The following MAPK10 variants were observed in gnomAD, a reference collection of about 807,000 sequenced individuals.
The protein encoded by MAPK10 is JNK3 alpha protein kinase.
A neutral mutation model predicts 59.3 loss-of-function variants in MAPK10; 25 were observed. The observed-to-expected ratio is 0.42, with a 90% CI of 0.31 to 0.59. The LOEUF is 0.59. MAPK10 is among the 20% of genes least tolerant of loss of function. The pLI, the probability that MAPK10 is intolerant of heterozygous loss-of-function variation, is 0.15. For missense variants in MAPK10, 351 were observed against 568.9 expected, an observed-to-expected ratio of 0.62 and a Z score of 3.90; for synonymous variants, 190 against 200.5, an observed-to-expected ratio of 0.95 and a Z score of 0.44.
At chr4:86,296,436 G>C (rs1248188625) in intron 2 of MAPK10, among the ~76,000 whole-genome samples, 1 of 152,084 alleles carries the variant, frequency 6.6e-6, no homozygotes. Context: ...ACCCCTGACA[G>C]ACAAATGGAA....
chr4:86,226,553 C>A (rs1041720332), intron 2 of MAPK10, among the ~76,000 whole-genome samples: 2 of 152,102 alleles, frequency 1.3e-5, no homozygotes, highest in Admixed American at 1.3e-4. Context: ...CAGCATTAAA[C>A]CTTGAATATA....
intron 1 of MAPK10, among the ~76,000 whole-genome samples, chr4:86,544,932 T>C (rs1759027864): frequency 6.6e-6 from 1 of 152,016 alleles, no homozygotes; most frequent in Admixed American, 6.5e-5. Context: ...CAGACTTGCT[T>C]CCAAAGGAGA....
intron 9 of MAPK10, among the ~76,000 whole-genome samples, chr4:86,093,537 T>C (rs997931605): frequency 2.6e-5 from 4 of 151,950 alleles, no homozygotes; most frequent in Non-Finnish European, 2.9e-5. Flanking sequence ...AAAAGGACCT[T>C]GTACTAAACT....
intron 2 of MAPK10, among the ~76,000 whole-genome samples, chr4:86,209,024 G>T (rs974088940): frequency 3.3e-5 from 5 of 151,906 alleles, no homozygotes; most frequent in African/African-American, 1.2e-4. Flanking sequence ...GACAATAGTT[G>T]GTAAGGTTGA....
intron 11 of MAPK10, among the ~76,000 whole-genome samples, chr4:86,047,330 G>A (rs1361626374): frequency 1.3e-5 from 2 of 152,098 alleles, no homozygotes; most frequent in South Asian, 4.1e-4. Context: ...GTAAAGGAGG[G>A]AGCAATGTGA....
At chr4:86,133,292 G>C (rs1044129787) in intron 4 of MAPK10, among the ~76,000 whole-genome samples, 15 of 152,110 alleles carry the variant, frequency 9.9e-5, no homozygotes, top group African/African-American at 3.4e-4. Context: ...TTATATCAGA[G>C]AGCTGAAAAA....
chr4:86,082,833 T>G (rs1221683425), intron 9 of MAPK10, among the ~76,000 whole-genome samples: 1 of 152,166 alleles, frequency 6.6e-6, no homozygotes, highest in Non-Finnish European at 1.5e-5. Context: ...AAATCTGTAC[T>G]AAATAAATGC....
chr4:86,262,150 GAGAGGTGGGACTTTTA>G (rs1031971359), intron 2 of MAPK10, among the ~76,000 whole-genome samples: 11 of 152,304 alleles, frequency 7.2e-5, no homozygotes, highest in Non-Finnish European at 1.3e-4. Flanking sequence ...TGGGACTTTT[GAGAGGTGGGACTTTTA>G]AGAGGTGATT....
chr4:86,592,944 C>A (rs763090425), intron 1 of MAPK10, among the ~76,000 whole-genome samples: 28 of 152,184 alleles, frequency 1.8e-4, no homozygotes, highest in Middle Eastern at 3.2e-3. Flanking sequence ...AGTTTTCTTT[C>A]TTAGGCTCCA....
chr4:86,480,648 A>T (rs1753534458), intron 1 of MAPK10, among the ~76,000 whole-genome samples: 1 of 152,200 alleles, frequency 6.6e-6, no homozygotes, highest in Middle Eastern at 3.2e-3. Flanking sequence ...TTAACATTCA[A>T]TTTCCATAAC....
chr4:86,218,607 A>G (rs2088551738), intron 2 of MAPK10, among the ~76,000 whole-genome samples: 1 of 150,504 alleles, frequency 6.6e-6, no homozygotes, highest in Non-Finnish European at 1.5e-5. Flanking sequence ...CAATTAATTT[A>G]AAAGGCAAAA....
chr4:86,591,674 C>T (rs958926592), intron 1 of MAPK10, among the ~76,000 whole-genome samples: 1 of 152,100 alleles, frequency 6.6e-6, no homozygotes, highest in African/African-American at 2.4e-5. Flanking sequence ...GTGCCCCACC[C>T]CCCGTATGTT....
At chr4:86,397,281 G>A (rs1271149793) in intron 1 of MAPK10, among the ~76,000 whole-genome samples, 2 of 152,014 alleles carry the variant, frequency 1.3e-5, no homozygotes, top group African/African-American at 4.8e-5. Flanking sequence ...CAATCTATGA[G>A]GTGAATTTAG....
In MAPK10 at chr4:86,440,313, A is replaced by G. The variant is rs551196054; in HGVS notation, c.-122+12717T>C. Among the ~76,000 whole-genome samples the G allele has an allele frequency of 3.6e-3, 548 of 152,310 alleles. 1 individual carries two copies. Among genetic ancestry groups the G allele is most frequent in the Admixed American group, 6.9e-3 (105 of 15,286 alleles). On this transcript the variant is annotated intron_variant, in intron 1 of 13. Coordinates refer to the MAPK10 transcript ENST00000361569. ...TATACACATATACATGCCAACACAC[A>G]CAAGTACATTCAGTGTTGTTTGTGA...
intron 12 of MAPK10, among the ~76,000 whole-genome samples, chr4:86,030,112 T>C (rs930675664): frequency 1.3e-5 from 2 of 152,180 alleles, no homozygotes; most frequent in African/African-American, 4.8e-5. Flanking sequence ...ATGATGGTTA[T>C]ATCCTATCAC....
chr4:86,022,391 C>T (rs568763837), intron 13 of MAPK10, among the ~76,000 whole-genome samples: 2 of 152,272 alleles, frequency 1.3e-5, no homozygotes, highest in Admixed American at 6.5e-5. Context: ...ATTAGTATAT[C>T]TTCTTTGGAG....
At chr4:86,372,572 A>AAAGAAAGAAAG (rs1564749756) in intron 1 of MAPK10, among the ~76,000 whole-genome samples, 16 of 104,032 alleles carry the variant, frequency 1.5e-4, no homozygotes, top group East Asian at 6.3e-4. Context: ...AAGAAAGAAA[A>AAAGAAAGAAAG]GAAAAGAAAA....
chr4:86,489,240 C>T (rs1365069843), intron 1 of MAPK10, among the ~76,000 whole-genome samples: 2 of 152,176 alleles, frequency 1.3e-5, no homozygotes, highest in Non-Finnish European at 2.9e-5. Flanking sequence ...TAAATAATGA[C>T]TGCCATTTTA....
chr4:86,108,746 C>G (rs2056965733), intron 4 of MAPK10, among the ~76,000 whole-genome samples: 1 of 152,196 alleles, frequency 6.6e-6, no homozygotes, highest in Non-Finnish European at 1.5e-5. Context: ...GCAGTTTCCA[C>G]TGACGACTGT....
Sources: allele counts gnomAD v4.1 joint callset (sites outside exome capture counted in the v4.1 genomes callset), GRCh38; gene constraint gnomAD v4.1.1; transcripts MANE v1.5; gene names NCBI Gene and HGNC (gene_info 2026-07-23, HGNC 2026-07-21).